TPST2: variants seen among roughly 807,000 people sequenced by gnomAD.
The protein encoded by TPST2 is protein-tyrosine sulfotransferase 2.
A neutral mutation model predicts 27.8 loss-of-function variants in TPST2; 16 were observed. The observed-to-expected ratio is 0.58, with a 90% CI of 0.39 to 0.88. TPST2 has a LOEUF of 0.88. Ranked by LOEUF, TPST2 falls within the 40% of genes least tolerant of loss-of-function variation. The pLI, the probability that TPST2 is intolerant of heterozygous loss-of-function variation, is 0.00. For synonymous variants in TPST2, 229 were observed against 231.7 expected (o/e 0.99, Z 0.10); for missense variants, 464 against 543.1 (o/e 0.85, Z 1.45).
At chr22:26,588,768 C>G (rs1406128018) in intron 1 of TPST2, among the ~76,000 whole-genome samples, 1 of 152,030 alleles carries the variant, frequency 6.6e-6, no homozygotes, top group Non-Finnish European at 1.5e-5. Context: ...GGCCACATCA[C>G]TACTAAATCC....
chr22:26,532,648 T>A, intron 5 of TPST2, 47 bp downstream of exon 5: 2 of 1,587,660 alleles, frequency 1.3e-6, no homozygotes, highest in East Asian at 2.2e-5. Context: ...CAGATGGTGG[T>A]ATAGCTGAGA....
Position 26,541,532 on chromosome 22 carries a change from C to G in TPST2, c.99G>C (p.Ala33=), listed in dbSNP as rs757322412. 8 of 1,611,596 alleles carry G rather than the reference C, an allele frequency of 5.0e-6. No individual in the cohort carries two copies. Among genetic ancestry groups the G allele is most frequent in the Non-Finnish European group, 5.9e-6 (7 of 1,179,172 alleles). The part of the protein sequence containing the change: ...QLGQQVLECR[A]VLAGLRSPRG... Reference sequence around the variant, plus strand: ...GGGGGCTCCGCAGGCCCGCCAGCACCGCCCGGCACTCTAGCACCTGCTGTC... The same window carrying G: ...GGGGGCTCCGCAGGCCCGCCAGCACGGCCCGGCACTCTAGCACCTGCTGTC... The change falls in exon 3 of 7, where the codon GCG becomes GCC. Residue 33 remains alanine, a synonymous_variant. Coordinates refer to ENST00000338754, the MANE Select transcript of TPST2 (RefSeq NM_003595.5). The surrounding 1 kb of genome is among the most constrained non-coding windows in gnomAD (Gnocchi z 5.9).
intron 1 of TPST2, among the ~76,000 whole-genome samples, chr22:26,555,675 G>A (rs1412621998): frequency 6.6e-6 from 1 of 152,254 alleles, no homozygotes; most frequent in Non-Finnish European, 1.5e-5. Context: ...TGGATGCCCA[G>A]ACAGACTGGG....
At chr22:26,552,582 C>T (rs1926541336) in intron 1 of TPST2, among the ~76,000 whole-genome samples, 1 of 152,138 alleles carries the variant, frequency 6.6e-6, no homozygotes, top group Non-Finnish European at 1.5e-5. Flanking sequence ...TCATAAAACC[C>T]ATGTTTTTGG....
At chr22:26,561,865 C>T (rs111859767) in intron 1 of TPST2, among the ~76,000 whole-genome samples, 1,779 of 152,238 alleles carry the variant, frequency 0.012, 16 homozygotes, top group South Asian at 0.02. Context: ...TAGGGCTGGC[C>T]GCCAGTCCAG....
At position 26,536,348 on chromosome 22, in the gene TPST2, AGGGTCATAG is replaced by A; in HGVS notation, c.972_980del (p.Asp326_Tyr328del). Reference sequence around the variant, plus strand: ...TGCCATAGTTGGGGGGGTTTGCATAAGGGTCATAGCCGAGCTGAGCCAGCATGGGGGCGA... The same window carrying A: ...TGCCATAGTTGGGGGGGTTTGCATAACCGAGCTGAGCCAGCATGGGGGCGA... On this transcript the variant is annotated inframe_deletion, in exon 4 of 7. Coordinates refer to ENST00000338754, the MANE Select transcript of TPST2 (RefSeq NM_003595.5). The A allele has an allele frequency of 6.2e-7, 1 of 1,613,958 alleles. No individual in the cohort carries two copies. The highest frequency in any genetic ancestry group is 8.5e-7 in the Non-Finnish European group (1 of 1,179,852).
In TPST2 at chr22:26,536,455, G is replaced by A; in HGVS notation, c.874C>T (p.Pro292Ser). ...IERSTDQVIK[P>S]VNLEALSKWT... ...TTGGAGAGCGCTTCCAGGTTAACAG[G>A]CTTGATGACCTGGTCCGTGGACCGC... The change falls in exon 4 of 7, where the codon CCT becomes TCT. Residue 292 changes from proline (P) to serine (S), a missense_variant. Coordinates refer to ENST00000338754, the MANE Select transcript of TPST2 (RefSeq NM_003595.5). 1 of 1,550,330 alleles carries A rather than the reference G, an allele frequency of 6.5e-7. No homozygotes were observed. The highest frequency in any genetic ancestry group is 8.7e-7 in the Non-Finnish European group (1 of 1,147,462).
intron 3 of TPST2, among the ~76,000 whole-genome samples, chr22:26,538,024 C>G (rs1306864765): frequency 6.6e-6 from 1 of 152,244 alleles, no homozygotes; most frequent in Non-Finnish European, 1.5e-5. Flanking sequence ...TCCTAACTCT[C>G]CCTGTAACAG....
intron 1 of TPST2, among the ~76,000 whole-genome samples, chr22:26,580,052 C>T (rs1405575467): frequency 6.6e-6 from 1 of 151,472 alleles, no homozygotes; most frequent in Non-Finnish European, 1.5e-5. Flanking sequence ...CAAGACCAGC[C>T]TGAACAACAT....
intron 1 of TPST2, among the ~76,000 whole-genome samples, chr22:26,587,238 G>A (rs899612875): frequency 3.9e-5 from 6 of 152,174 alleles, no homozygotes; most frequent in African/African-American, 7.2e-5. Context: ...GGCCCGGGAT[G>A]GGAAGATCCG....
intron 1 of TPST2, chr22:26,560,666 GA>G: frequency 8.1e-7 from 1 of 1,241,292 alleles, no homozygotes; most frequent in South Asian, 1.2e-5. Flanking sequence ...AGTGCTCAGA[GA>G]GGTGGAAGAC....
chr22:26,568,117 C>A lies in TPST2; in HGVS notation c.-161+21936G>T, dbSNP rs183916830. Among the ~76,000 whole-genome samples the A allele has an allele frequency of 3.4e-3, 512 of 152,318 alleles. 2 individuals carry two copies. Among genetic ancestry groups the A allele is most frequent in the African/African-American group, 0.012 (493 of 41,564 alleles). On this transcript the variant is annotated intron_variant, in intron 1 of 6. Coordinates refer to ENST00000338754, the MANE Select transcript of TPST2 (RefSeq NM_003595.5). Reference sequence around the variant, plus strand: ...CGAAGGGCACATATCAAAATGTTCCCGGTGGCATGATCGTAATTGCCCCCA... The same window carrying A: ...CGAAGGGCACATATCAAAATGTTCCAGGTGGCATGATCGTAATTGCCCCCA...
intron 4 of TPST2, among the ~76,000 whole-genome samples, chr22:26,534,003 A>G (rs1033151670): frequency 6.6e-6 from 1 of 152,188 alleles, no homozygotes; most frequent in Non-Finnish European, 1.5e-5. Flanking sequence ...TTCAATATGT[A>G]ATTTATATAA....
intron 1 of TPST2, among the ~76,000 whole-genome samples, chr22:26,581,697 A>G (rs1304941069): frequency 6.6e-6 from 1 of 152,200 alleles, no homozygotes; most frequent in Non-Finnish European, 1.5e-5. Flanking sequence ...AAATAAACGT[A>G]AAGAGCTAAG....
In TPST2 at chr22:26,538,908, TAC is replaced by T. The variant is rs544059499; in HGVS notation, c.842+1879_842+1880del. Among the ~76,000 whole-genome samples, 479 of 152,284 alleles carry T rather than the reference TAC, an allele frequency of 3.1e-3. 1 individual carries two copies. Among genetic ancestry groups the T allele is most frequent in the Admixed American group, 8.8e-3 (135 of 15,298 alleles). ...CTCCCACACCACCGTGGAAAAAGGC[TAC>T]AGAGGAGTATGTTTCGTTGGACTCC... On this transcript the variant is annotated intron_variant, in intron 3 of 6. Transcript: ENST00000338754.
At chr22:26,566,328 G>A (rs946509707) in intron 1 of TPST2, among the ~76,000 whole-genome samples, 1 of 152,044 alleles carries the variant, frequency 6.6e-6, no homozygotes, top group Non-Finnish European at 1.5e-5. Flanking sequence ...CGAGGAAGGC[G>A]GATCACAAGG....
At position 26,525,778 on chromosome 22, in the gene TPST2, C is replaced by G. The variant is rs78085635; in HGVS notation, c.*497G>C. ...TAAAGTAAGGCACAAACAAATGAGCCTCTGTTCACTTTATTCAAAGAGTAT... is the reference window on the plus strand; with the variant it reads ...TAAAGTAAGGCACAAACAAATGAGCGTCTGTTCACTTTATTCAAAGAGTAT... On this transcript the variant is annotated 3_prime_UTR_variant, in exon 7 of 7. Coordinates refer to ENST00000338754, the MANE Select transcript of TPST2 (RefSeq NM_003595.5). The G allele has an allele frequency of 6.6e-6, 1 of 152,378 alleles. No individual in the cohort carries two copies. The highest frequency in any genetic ancestry group is 2.4e-5 in the African/African-American group (1 of 41,350). The allele number at this position is 152,378 out of a possible 1,614,324, so 9.4% of individuals were successfully genotyped here. A position where few individuals can be genotyped will look rare whatever the true frequency, so the allele number is the denominator to read the frequency against.
rs140946131 is a variant in TPST2, at chr22:26,548,185, G to A, written c.-160-3510C>T. ...TGCCAACATGATGCTCACAGAAAAC[G>A]CTCATCGGATGTGGGGCATGGTGGT... On this transcript the variant is annotated intron_variant, in intron 1 of 6. Coordinates refer to ENST00000338754, the MANE Select transcript of TPST2 (RefSeq NM_003595.5). Among the ~76,000 whole-genome samples the A allele has an allele frequency of 3.2e-3, 486 of 152,238 alleles. 1 individual carries two copies. Among genetic ancestry groups the A allele is most frequent in the African/African-American group, 0.011 (451 of 41,538 alleles).
In TPST2 at chr22:26,590,066, G is replaced by A. The variant is rs1354128399; in HGVS notation, c.-174C>T. The A allele has an allele frequency of 1.3e-5, 2 of 151,930 alleles. No homozygotes were observed. The highest frequency in any genetic ancestry group is 4.1e-4 in the South Asian group (2 of 4,826). 9.4% of individuals were successfully genotyped at this position (151,930 alleles called of 1,614,324 possible). A position where few individuals can be genotyped will look rare whatever the true frequency, so the allele number is the denominator to read the frequency against. On this transcript the variant is annotated 5_prime_UTR_variant, in exon 1 of 7. Coordinates refer to ENST00000338754, the MANE Select transcript of TPST2 (RefSeq NM_003595.5). ...AGGGCCACCTACCGTGGCGAGACGC[G>A]GCGAGGCAGCCCCACGCACCCAGCG...
Sources: allele counts gnomAD v4.1 joint callset (sites outside exome capture counted in the v4.1 genomes callset), GRCh38; gene constraint gnomAD v4.1.1; non-coding constraint Gnocchi (gnomAD v3.1); transcripts MANE v1.5; gene names NCBI Gene and HGNC (gene_info 2026-07-23, HGNC 2026-07-21).